The following SLC2A13 variants were observed in gnomAD, a reference collection of about 807,000 sequenced individuals.
SLC2A13 encodes proton myo-inositol cotransporter.
Under a neutral mutation model 64.4 loss-of-function variants are expected in SLC2A13, and 32 were observed. The ratio of observed to expected loss-of-function variants is 0.50; its 90% CI spans 0.37 to 0.67. SLC2A13 has a LOEUF of 0.67. SLC2A13 is among the 30% of genes least tolerant of loss of function. The pLI, the probability that SLC2A13 is intolerant of heterozygous loss-of-function variation, is 0.00. For synonymous variants in SLC2A13, 338 were observed against 327.1 expected (o/e 1.03, Z -0.36); for missense variants, 743 against 829.2 (o/e 0.90, Z 1.28).
At chr12:40,032,469 CA>C (rs1947920077) in intron 2 of SLC2A13, among the ~76,000 whole-genome samples, 1 of 152,162 alleles carries the variant, frequency 6.6e-6, no homozygotes, top group Non-Finnish European at 1.5e-5. Context: ...ACCTGCCTAC[CA>C]AAGCAGGCCA....
chr12:39,859,489 A>T (rs1327709649), intron 6 of SLC2A13, among the ~76,000 whole-genome samples: 1 of 152,080 alleles, frequency 6.6e-6, no homozygotes, highest in Admixed American at 6.6e-5. Context: ...ACCTCTGCAG[A>T]TGACCCTGGT....
intron 6 of SLC2A13, among the ~76,000 whole-genome samples, chr12:39,838,310 G>A (rs950405049): frequency 3.0e-4 from 42 of 138,786 alleles, no homozygotes; most frequent in African/African-American, 1.1e-3. Context: ...ATGGACACAG[G>A]AAGGGGAATA....
At chr12:39,793,243 A>ATTC (rs1481242796) in intron 7 of SLC2A13, among the ~76,000 whole-genome samples, 1 of 152,172 alleles carries the variant, frequency 6.6e-6, no homozygotes, top group East Asian at 1.9e-4. Flanking sequence ...TTATAATAGC[A>ATTC]CTAGAAAAGG....
At chr12:39,934,054 T>C (rs1032556121) in intron 4 of SLC2A13, among the ~76,000 whole-genome samples, 10 of 152,222 alleles carry the variant, frequency 6.6e-5, no homozygotes, top group Admixed American at 6.5e-4. Context: ...TATTGTTAGA[T>C]AGTCTGTCTG....
At chr12:39,882,726 A>C (rs1259353685) in intron 4 of SLC2A13, among the ~76,000 whole-genome samples, 1 of 152,174 alleles carries the variant, frequency 6.6e-6, no homozygotes, top group Non-Finnish European at 1.5e-5. Flanking sequence ...ACATTGATTC[A>C]CAAATCTCAA....
intron 7 of SLC2A13, among the ~76,000 whole-genome samples, chr12:39,782,309 A>G (rs4238077): frequency 0.98 from 148,608 of 152,196 alleles, 72,560 homozygotes; most frequent in East Asian, 1. Context: ...CGTGTTGTGG[A>G]AGGTACCCAG....
At chr12:39,875,818 AAAT>A (rs551011344) in intron 4 of SLC2A13, among the ~76,000 whole-genome samples, 14 of 152,214 alleles carry the variant, frequency 9.2e-5, no homozygotes, top group Non-Finnish European at 1.9e-4. Context: ...ATGTTTTCAT[AAAT>A]AATGATGTCA....
chr12:39,900,016 G>A (rs550321279), intron 4 of SLC2A13, among the ~76,000 whole-genome samples: 11 of 152,078 alleles, frequency 7.2e-5, no homozygotes, highest in Admixed American at 7.2e-4. Context: ...TTCATCCCTG[G>A]GATGCAAGGC....
At chr12:40,009,396 T>G (rs1318722086) in intron 3 of SLC2A13, among the ~76,000 whole-genome samples, 1 of 152,142 alleles carries the variant, frequency 6.6e-6, no homozygotes, top group Non-Finnish European at 1.5e-5. Flanking sequence ...TTGTGACTAT[T>G]AATAGGAAAT....
rs1192322680 is a variant in SLC2A13 at position 39,755,503 on chromosome 12, C to CT, written c.*4522dup. The CT allele has an allele frequency of 1.3e-5, 2 of 152,088 alleles. No homozygotes were observed. Among genetic ancestry groups the CT allele is most frequent in the African/African-American group, 4.8e-5 (2 of 41,424 alleles). 9.4% of individuals were successfully genotyped at this position (152,088 alleles called of 1,614,324 possible). A position where few individuals can be genotyped will look rare whatever the true frequency, so the allele number is the denominator to read the frequency against. ...CAAGTGATATATAGTCCAAAAGCTGCTAGGAGACAGTTTGGACGTGTAGAA... is the reference window on the plus strand; with the variant it reads ...CAAGTGATATATAGTCCAAAAGCTGCTTAGGAGACAGTTTGGACGTGTAGAA... On this transcript the variant is annotated 3_prime_UTR_variant, in exon 10 of 10. Coordinates refer to ENST00000280871, the MANE Select transcript of SLC2A13 (RefSeq NM_052885.4).
chr12:40,060,989 T>C (rs138228403), intron 1 of SLC2A13, among the ~76,000 whole-genome samples: 322 of 152,248 alleles, frequency 2.1e-3, no homozygotes, highest in Middle Eastern at 3.4e-3. Context: ...AAGTTGCATA[T>C]ATTATTCAGA....
Position 39,978,991 on chromosome 12 carries a change from G to A in SLC2A13, c.926-27626C>T, listed in dbSNP as rs1472549457. 3.5e-3 allele frequency among the ~76,000 whole-genome samples: 531 copies of A among 150,220 alleles called. 6 individuals carry two copies. Among genetic ancestry groups the A allele is most frequent in the South Asian group, 0.035 (159 of 4,582 alleles). ...CTGGAGATCTGAGAACGGGCAGACT[G>A]CCTCCTCAAGTGGGTCCCTGACCCC... On this transcript the variant is annotated intron_variant, in intron 3 of 9. Coordinates refer to ENST00000280871, the MANE Select transcript of SLC2A13 (RefSeq NM_052885.4).
intron 1 of SLC2A13, chr12:40,068,574 A>G (rs748917668): frequency 3.2e-4 from 59 of 185,568 alleles, no homozygotes; most frequent in Admixed American, 1.4e-4. Flanking sequence ...CTTTTCCATC[A>G]TTTTTGCCAC....
intron 6 of SLC2A13, among the ~76,000 whole-genome samples, chr12:39,861,798 T>G (rs1021310356): frequency 6.6e-6 from 1 of 152,238 alleles, no homozygotes; most frequent in African/African-American, 2.4e-5. Context: ...AAACATTTTC[T>G]ATAGCAACTT....
intron 7 of SLC2A13, among the ~76,000 whole-genome samples, chr12:39,801,901 T>A (rs1023890810): frequency 2.0e-5 from 3 of 152,170 alleles, no homozygotes; most frequent in Non-Finnish European, 2.9e-5. Flanking sequence ...AACTAATTAT[T>A]GAACCAGGCA....
At chr12:40,027,168 T>C (rs765810487) in intron 3 of SLC2A13, among the ~76,000 whole-genome samples, 1 of 152,108 alleles carries the variant, frequency 6.6e-6, no homozygotes, top group African/African-American at 2.4e-5. Flanking sequence ...TTTAAATAGA[T>C]ATTTTAAGAT....
intron 7 of SLC2A13, among the ~76,000 whole-genome samples, chr12:39,769,293 G>A (rs1322899849): frequency 6.6e-6 from 1 of 151,888 alleles, no homozygotes; most frequent in Admixed American, 6.6e-5. Flanking sequence ...TTTCCTATGT[G>A]ACGAACTTAC....
chr12:39,772,252 T>G (rs1482098895), intron 7 of SLC2A13, among the ~76,000 whole-genome samples: 3 of 152,190 alleles, frequency 2.0e-5, no homozygotes, highest in African/African-American at 7.2e-5. Context: ...CTTACCAGCT[T>G]TGTAACTTTG....
intron 4 of SLC2A13, among the ~76,000 whole-genome samples, chr12:39,921,217 G>A (rs1248999138): frequency 6.6e-6 from 1 of 152,068 alleles, no homozygotes; most frequent in Non-Finnish European, 1.5e-5. Flanking sequence ...CCTGGTGTTT[G>A]CTTTGGGAGA....
Sources: gnomAD v4.1 joint callset for allele counts (sites outside exome capture counted in the v4.1 genomes callset) on GRCh38, gnomAD v4.1.1 for gene constraint, MANE v1.5 for transcripts, NCBI Gene and HGNC (gene_info 2026-07-23, HGNC 2026-07-21) for gene names.